CCDC171: variants seen among roughly 807,000 people sequenced by gnomAD.
The protein encoded by CCDC171 is coiled-coil domain containing 171.
In CCDC171, 177 loss-of-function variants were observed where a neutral mutation model predicts 168.2. The ratio of observed to expected loss-of-function variants is 1.05; its 90% CI spans 0.93 to 1.19. CCDC171 has a LOEUF of 1.19. CCDC171 is among the 50% of genes most tolerant of loss of function. The pLI, the probability that CCDC171 is intolerant of heterozygous loss-of-function variation, is 0.00. For missense variants in CCDC171, 1,991 were observed against 1,539.0 expected (o/e 1.29, Z -4.91); for synonymous variants, 687 against 540.8 (o/e 1.27, Z -3.75).
the CCDC171 span, among the ~76,000 whole-genome samples, chr9:16,067,597 T>C: frequency 6.6e-6 from 1 of 152,226 alleles, no homozygotes; most frequent in East Asian, 1.9e-4. Flanking sequence ...TGGTTTTAGG[T>C]CTAACGTTTA....
intron 18 of CCDC171, among the ~76,000 whole-genome samples, chr9:15,754,672 G>A (rs1438678215): frequency 6.6e-6 from 1 of 152,116 alleles, no homozygotes; most frequent in African/African-American, 2.4e-5. Flanking sequence ...TCTGACACTA[G>A]CTGTGTGACC....
At chr9:15,735,045 A>G (rs1200104079) in intron 16 of CCDC171, among the ~76,000 whole-genome samples, 3 of 152,232 alleles carry the variant, frequency 2.0e-5, no homozygotes, top group Non-Finnish European at 4.4e-5. Flanking sequence ...TTTTATCTGA[A>G]AAAATGTAGT....
rs539569818 is a variant in CCDC171, at chr9:15,863,115, G to T, written c.3469-11417G>T. Among the ~76,000 whole-genome samples the T allele has an allele frequency of 5.3e-5, 8 of 152,076 alleles. No individual in the cohort carries two copies. In the South Asian group the frequency reaches 1.0e-3, roughly 20 times the overall value. ...GGGTCATGTCAGTACTCAAACACAG[G>T]TGAGACAAAAGCCAATCCTTTAGGT... On this transcript the variant is annotated intron_variant, in intron 23 of 25. Coordinates refer to ENST00000380701, the MANE Select transcript of CCDC171 (RefSeq NM_173550.4).
At chr9:15,660,767 A>G (rs1280135015) in intron 8 of CCDC171, among the ~76,000 whole-genome samples, 1 of 152,184 alleles carries the variant, frequency 6.6e-6, no homozygotes, top group African/African-American at 2.4e-5. Context: ...TGCTATTGTG[A>G]ATAGTGCTGT....
intron 6 of CCDC171, among the ~76,000 whole-genome samples, chr9:16,025,933 G>A (rs1017059864): frequency 5.1e-4 from 78 of 152,174 alleles, no homozygotes; most frequent in African/African-American, 1.7e-3. Context: ...AGTGAATTTT[G>A]TGTTATGTGA....
the CCDC171 span, among the ~76,000 whole-genome samples, chr9:16,108,492 C>A: frequency 6.6e-6 from 1 of 152,106 alleles, no homozygotes; most frequent in East Asian, 1.9e-4. Context: ...TGCTCTGTGC[C>A]GCCCATAGGC....
At chr9:16,090,438 G>T in the CCDC171 span, among the ~76,000 whole-genome samples, 13 of 152,126 alleles carry the variant, frequency 8.5e-5, no homozygotes, top group Admixed American at 5.2e-4. Context: ...CTAGTGGAGG[G>T]ACAGCATTAG....
At chr9:15,834,538 C>T (rs1433833265) in intron 21 of CCDC171, among the ~76,000 whole-genome samples, 1 of 152,114 alleles carries the variant, frequency 6.6e-6, no homozygotes, top group African/African-American at 2.4e-5. Flanking sequence ...TAACAAATTG[C>T]ATTTTATTTT....
At chr9:15,933,202 C>T (rs190098524) in intron 25 of CCDC171, among the ~76,000 whole-genome samples, 1 of 152,054 alleles carries the variant, frequency 6.6e-6, no homozygotes, top group African/African-American at 2.4e-5. Flanking sequence ...TAGATTTCAG[C>T]AGTAAAGCCA....
chr9:15,577,922 G>A (rs2040799964), intron 3 of CCDC171, among the ~76,000 whole-genome samples: 1 of 152,146 alleles, frequency 6.6e-6, no homozygotes, highest in African/African-American at 2.4e-5. Context: ...TTCCACATGT[G>A]CCTCTCATTG....
rs1563804728 is a variant in CCDC171 at position 15,820,711 on chromosome 9, A to T, written c.3268-25991A>T. 2.6e-5 allele frequency among the ~76,000 whole-genome samples: 3 copies of T among 117,260 alleles called. 1 individual carries two copies. Among genetic ancestry groups the T allele is most frequent in the Non-Finnish European group, 5.7e-5 (3 of 52,280 alleles). The allele number at this position is 117,260 out of a possible 152,430, so 76.9% of individuals were successfully genotyped here. ...CAATAATTAATAGCTTACCAACCAA[A>T]AAAAGTCCAGGACCAGATGGATTCA... is the stretch of plus-strand genomic sequence containing the variant. On this transcript the variant is annotated intron_variant, in intron 21 of 25. Coordinates refer to ENST00000380701, the MANE Select transcript of CCDC171 (RefSeq NM_173550.4).
intron 17 of CCDC171, 143 bp downstream of exon 17, chr9:15,744,920 T>C: frequency 1.3e-6 from 1 of 786,076 alleles, no homozygotes; most frequent in Non-Finnish European, 2.0e-6. Flanking sequence ...TACGTATATG[T>C]GTGTATGGAT....
At chr9:15,668,592 C>T (rs1489744310) in intron 9 of CCDC171, among the ~76,000 whole-genome samples, 1 of 152,016 alleles carries the variant, frequency 6.6e-6, no homozygotes, top group East Asian at 1.9e-4. Context: ...CAAGTAATAA[C>T]TAAACCCAAT....
the CCDC171 span, among the ~76,000 whole-genome samples, chr9:16,072,498 C>A: frequency 1.3e-5 from 2 of 152,274 alleles, no homozygotes; most frequent in East Asian, 3.9e-4. Flanking sequence ...TCCACATCAA[C>A]AAATGGATTA....
At chr9:15,864,881 G>A (rs1329929595) in intron 23 of CCDC171, among the ~76,000 whole-genome samples, 1 of 152,052 alleles carries the variant, frequency 6.6e-6, no homozygotes, top group African/African-American at 2.4e-5. Flanking sequence ...GTTGTTGGAT[G>A]AGTAGAATGG....
At chr9:15,824,578 T>A (rs2059935285) in intron 21 of CCDC171, among the ~76,000 whole-genome samples, 1 of 152,036 alleles carries the variant, frequency 6.6e-6, no homozygotes, top group African/African-American at 2.4e-5. Context: ...TTAACTAAGG[T>A]CTGGATTATG....
chr9:15,964,775 T>G (rs1830641572), intron 25 of CCDC171, among the ~76,000 whole-genome samples: 1 of 152,202 alleles, frequency 6.6e-6, no homozygotes, highest in South Asian at 2.1e-4. Flanking sequence ...TTAATTATTT[T>G]TTGAGACAGA....
At chr9:15,630,764 G>C (rs2045612156) in intron 7 of CCDC171, among the ~76,000 whole-genome samples, 1 of 152,076 alleles carries the variant, frequency 6.6e-6, no homozygotes, top group Admixed American at 6.6e-5. Flanking sequence ...TGACCACATA[G>C]TTGGAAGTAA....
chr9:15,623,475 G>GCGCGCGCGCGCGCGCGCGCGCGCGCGCA, intron 7 of CCDC171, 62 bp downstream of exon 7: 1 of 293,710 alleles, frequency 3.4e-6, no homozygotes, highest in Non-Finnish European at 6.3e-6. Flanking sequence ...GCGCGCGCGC[G>GCGCGCGCGCGCGCGCGCGCGCGCGCGCA]CACACACACA....
Sources: allele counts gnomAD v4.1 joint callset (sites outside exome capture counted in the v4.1 genomes callset), GRCh38; gene constraint gnomAD v4.1.1; transcripts MANE v1.5; gene names NCBI Gene and HGNC (gene_info 2026-07-23, HGNC 2026-07-21).